The following ASPRV1 variants were observed in gnomAD, a reference collection of about 807,000 sequenced individuals.
ASPRV1 encodes retroviral-like aspartic protease 1.
A neutral mutation model predicts 11.0 loss-of-function variants in ASPRV1; 7 were observed. That is an observed-to-expected ratio of 0.64 (90% CI 0.36 to 1.20). The LOEUF is 1.20. Ranked by LOEUF, ASPRV1 falls within the 50% of genes most tolerant of loss-of-function variation. The pLI is 0.02. For synonymous variants in ASPRV1, 136 were observed against 138.4 expected, an observed-to-expected ratio of 0.98 and a Z score of 0.12; for missense variants, 299 against 320.0, an observed-to-expected ratio of 0.93 and a Z score of 0.50.
chr2:70,009,533 T>C, the ASPRV1 span, among the ~76,000 whole-genome samples: 1 of 152,160 alleles, frequency 6.6e-6, no homozygotes, highest in Non-Finnish European at 1.5e-5. Context: ...GTTTACCATG[T>C]TGGCCAGGCT....
the ASPRV1 span, among the ~76,000 whole-genome samples, chr2:69,953,697 TTTTTTTTTC>T: frequency 5.0e-5 from 7 of 139,996 alleles, no homozygotes; most frequent in East Asian, 1.4e-3. Flanking sequence ...CTTAATTTTC[TTTTTTTTTC>T]TTTTTTTTCT....
At chr2:70,081,155 G>A in the ASPRV1 span, 2 of 152,196 alleles carry the variant, frequency 1.3e-5, no homozygotes, top group Non-Finnish European at 2.9e-5. Flanking sequence ...AGCATATGAG[G>A]TCAAATTGTT....
At chr2:69,937,062 G>A in the ASPRV1 span, 10 of 846,042 alleles carry the variant, frequency 1.2e-5, no homozygotes, top group Non-Finnish European at 2.0e-5. Context: ...GTCAGACGAA[G>A]CCAGGAGTCA....
At chr2:70,000,671 T>A in the ASPRV1 span, 1 of 149,786 alleles carries the variant, frequency 6.7e-6, no homozygotes, top group African/African-American at 2.5e-5. Context: ...GCGCCTATAG[T>A]CCCAGTTACT....
the ASPRV1 span, among the ~76,000 whole-genome samples, chr2:69,946,584 C>T: frequency 2.6e-5 from 4 of 152,182 alleles, no homozygotes; most frequent in Admixed American, 6.5e-5. Context: ...AAGGAGAGAA[C>T]GTTCGAACAC....
At chr2:70,079,178 T>G in the ASPRV1 span, among the ~76,000 whole-genome samples, 3 of 152,110 alleles carry the variant, frequency 2.0e-5, no homozygotes, top group Non-Finnish European at 4.4e-5. Context: ...CAGTGAATAG[T>G]TGGATATAAG....
At chr2:70,021,480 G>A in the ASPRV1 span, among the ~76,000 whole-genome samples, 427 of 151,600 alleles carry the variant, frequency 2.8e-3, 16 homozygotes, top group East Asian at 0.076. Flanking sequence ...TGCCACGCCC[G>A]GCTAATTTTT....
At chr2:70,001,559 A>C in the ASPRV1 span, among the ~76,000 whole-genome samples, 4 of 152,170 alleles carry the variant, frequency 2.6e-5, no homozygotes, top group Non-Finnish European at 5.9e-5. Flanking sequence ...GGAGTTCAAG[A>C]CCAGCCTGAC....
At chr2:70,024,682 T>C in the ASPRV1 span, among the ~76,000 whole-genome samples, 12 of 152,286 alleles carry the variant, frequency 7.9e-5, no homozygotes, top group East Asian at 1.2e-3. Flanking sequence ...CTATTTTCTG[T>C]TGGAAGACAG....
the ASPRV1 span, among the ~76,000 whole-genome samples, chr2:70,022,875 A>C: frequency 6.6e-6 from 1 of 152,104 alleles, no homozygotes; most frequent in Admixed American, 6.6e-5. Flanking sequence ...TAAAAAAAAA[A>C]TGAAGAAGGA....
At chr2:69,963,735 C>A (rs1678224143), upstream of ASPRV1, among the ~76,000 whole-genome samples, 1 of 152,192 alleles carries the variant, frequency 6.6e-6, no homozygotes, top group Non-Finnish European at 1.5e-5. Flanking sequence ...ACACACATCA[C>A]CTCCATGAGG....
At chr2:69,935,494 T>C in the ASPRV1 span, 2 of 1,453,074 alleles carry the variant, frequency 1.4e-6, no homozygotes, top group Admixed American at 1.7e-5. Context: ...TGCTGCTTTA[T>C]CTTTACCTGT....
chr2:70,058,823 G>A, the ASPRV1 span, among the ~76,000 whole-genome samples: 1 of 150,836 alleles, frequency 6.6e-6, no homozygotes, highest in African/African-American at 2.4e-5. Context: ...AAAATGCTGG[G>A]ATTACTGGCA....
the ASPRV1 span, among the ~76,000 whole-genome samples, chr2:70,062,790 G>A: frequency 6.6e-6 from 1 of 152,176 alleles, no homozygotes; most frequent in Non-Finnish European, 1.5e-5. Context: ...AACATAGCGA[G>A]ACCTTGTCTC....
the ASPRV1 span, among the ~76,000 whole-genome samples, chr2:69,995,815 T>C: frequency 3.3e-5 from 5 of 152,122 alleles, no homozygotes; most frequent in Admixed American, 6.5e-5. Context: ...GCAGGCAGAA[T>C]GAGGGCTGAG....
At chr2:70,039,700 G>T in the ASPRV1 span, among the ~76,000 whole-genome samples, 1 of 152,154 alleles carries the variant, frequency 6.6e-6, no homozygotes, top group African/African-American at 2.4e-5. Flanking sequence ...TGCACCTAAG[G>T]GTGGCCTTAG....
chr2:69,988,929 T>G, the ASPRV1 span: 1 of 363,212 alleles, frequency 2.8e-6, no homozygotes, highest in East Asian at 7.8e-5. Flanking sequence ...TGTTACCAAT[T>G]TTGAGTGTAT....
the ASPRV1 span, chr2:69,938,088 T>C: frequency 6.2e-7 from 1 of 1,612,932 alleles, no homozygotes; most frequent in Non-Finnish European, 8.5e-7. Context: ...TCTCTTGTCC[T>C]CCCTGCAGAA....
the ASPRV1 span, among the ~76,000 whole-genome samples, chr2:70,002,797 T>TG: frequency 3.3e-5 from 5 of 152,182 alleles, no homozygotes; most frequent in Admixed American, 1.3e-4. Flanking sequence ...TTTCTTAAAC[T>TG]GGGGGGCTGA....
Sources: allele counts gnomAD v4.1 joint callset (sites outside exome capture counted in the v4.1 genomes callset), GRCh38; gene constraint gnomAD v4.1.1; transcripts MANE v1.5; gene names NCBI Gene and HGNC (gene_info 2026-07-23, HGNC 2026-07-21).